The following SORCS3 variants were observed in gnomAD, a reference collection of about 807,000 sequenced individuals.
SORCS3 encodes the protein VPS10 domain-containing receptor SorCS3.
In SORCS3, 57 loss-of-function variants were observed where a neutral mutation model predicts 146.3. The ratio of observed to expected loss-of-function variants is 0.39; its 90% CI spans 0.31 to 0.49. SORCS3 has a LOEUF of 0.49. Ranked by LOEUF, SORCS3 falls within the 20% of genes least tolerant of loss-of-function variation. SORCS3 has a pLI of 0.92. For missense variants in SORCS3, 1,341 were observed against 1,575.5 expected (o/e 0.85, Z 2.52); for synonymous variants, 653 against 618.5 (o/e 1.06, Z -0.83).
At chr10:104,955,037 C>T (rs2019472371) in intron 3 of SORCS3, among the ~76,000 whole-genome samples, 1 of 152,136 alleles carries the variant, frequency 6.6e-6, no homozygotes, top group African/African-American at 2.4e-5. Context: ...TAACTATTAA[C>T]TAAAATTAAC....
At chr10:104,850,848 T>G (rs957303610) in intron 2 of SORCS3, among the ~76,000 whole-genome samples, 1 of 152,224 alleles carries the variant, frequency 6.6e-6, no homozygotes, top group African/African-American at 2.4e-5. Context: ...AAAAGATACC[T>G]TTCCTGAGCT....
chr10:104,893,067 CCT>C (rs2018764721), intron 2 of SORCS3, among the ~76,000 whole-genome samples: 1 of 152,070 alleles, frequency 6.6e-6, no homozygotes, highest in Non-Finnish European at 1.5e-5. Flanking sequence ...TGTCATGGTC[CCT>C]GTTTGTTTCC....
chr10:105,195,494 A>G (rs1360434716), intron 14 of SORCS3, among the ~76,000 whole-genome samples: 2 of 152,204 alleles, frequency 1.3e-5, no homozygotes, highest in African/African-American at 4.8e-5. Flanking sequence ...GGTATTCATG[A>G]AAAGAGAAGA....
intron 3 of SORCS3, among the ~76,000 whole-genome samples, chr10:104,945,541 G>A (rs1334276623): frequency 2.0e-5 from 3 of 149,774 alleles, no homozygotes; most frequent in African/African-American, 7.4e-5. Flanking sequence ...TTACAGATGT[G>A]AACCACTGTG....
intron 1 of SORCS3, among the ~76,000 whole-genome samples, chr10:104,722,972 A>G (rs745531017): frequency 2.6e-5 from 4 of 151,594 alleles, no homozygotes; most frequent in Admixed American, 6.6e-5. Flanking sequence ...TTGTGTCTCT[A>G]TTTCCTTCAG....
chr10:105,178,029 T>G, intron 13 of SORCS3, 37 bp from the exon 14 acceptor site: 1 of 1,497,364 alleles, frequency 6.7e-7, no homozygotes, highest in Non-Finnish European at 9.3e-7. Flanking sequence ...TGGCTTTATT[T>G]TCAGCTGTCT....
At chr10:105,106,833 C>G (rs535653212) in intron 7 of SORCS3, among the ~76,000 whole-genome samples, 1 of 152,162 alleles carries the variant, frequency 6.6e-6, no homozygotes. Context: ...GGCAGGCCAA[C>G]GGCACTCTCA....
chr10:104,976,981 G>A (rs1057402247), intron 3 of SORCS3, among the ~76,000 whole-genome samples: 1 of 151,828 alleles, frequency 6.6e-6, no homozygotes, highest in African/African-American at 2.4e-5. Flanking sequence ...AATGGGTGCA[G>A]CACACCAGCA....
At chr10:105,013,293 A>G (rs1271715257) in intron 4 of SORCS3, among the ~76,000 whole-genome samples, 1 of 152,178 alleles carries the variant, frequency 6.6e-6, no homozygotes, top group Non-Finnish European at 1.5e-5. Context: ...TATTATTTTT[A>G]ATAGTAAAAC....
At chr10:105,233,642 G>C (rs1043881339) in intron 20 of SORCS3, among the ~76,000 whole-genome samples, 1 of 152,056 alleles carries the variant, frequency 6.6e-6, no homozygotes, top group Non-Finnish European at 1.5e-5. Flanking sequence ...TCCCACTTAT[G>C]AGTGAGAATA....
At chr10:105,096,214 G>T (rs949078154) in intron 6 of SORCS3, among the ~76,000 whole-genome samples, 4 of 151,980 alleles carry the variant, frequency 2.6e-5, no homozygotes, top group African/African-American at 9.7e-5. Context: ...TCCTGGGAAA[G>T]GTCCTGGGCA....
chr10:104,698,112 T>C (rs2016238255), intron 1 of SORCS3, among the ~76,000 whole-genome samples: 1 of 152,204 alleles, frequency 6.6e-6, no homozygotes, highest in Non-Finnish European at 1.5e-5. Context: ...TCATGGACCA[T>C]GTGAGTTCAT....
chr10:104,987,101 C>T lies in SORCS3; in HGVS notation c.954+9608C>T, dbSNP rs7086286. 2.3e-3 allele frequency among the ~76,000 whole-genome samples: 352 copies of T among 151,336 alleles called. 2 individuals are homozygous for T. The highest frequency in any genetic ancestry group is 8.2e-3 in the African/African-American group (338 of 41,272). On this transcript the variant is annotated intron_variant, in intron 4 of 26. Transcript: ENST00000369701. ...TTACATATATAAATATATACAACTG[C>T]GTACATAATATATATTAAGACATAC... is the stretch of plus-strand genomic sequence containing the variant.
intron 25 of SORCS3, among the ~76,000 whole-genome samples, chr10:105,261,410 G>A (rs1466376215): frequency 6.6e-6 from 1 of 152,162 alleles, no homozygotes; most frequent in Non-Finnish European, 1.5e-5. Context: ...GTCTCCAACT[G>A]ATGAACAGCA....
At chr10:104,646,887 G>A (rs2015501962) in intron 1 of SORCS3, among the ~76,000 whole-genome samples, 2 of 152,096 alleles carry the variant, frequency 1.3e-5, no homozygotes, top group African/African-American at 2.4e-5. Flanking sequence ...GGTGTTGTGG[G>A]TAACTGAGAA....
intron 1 of SORCS3, among the ~76,000 whole-genome samples, chr10:104,724,545 C>T (rs1167704120): frequency 6.6e-6 from 1 of 152,118 alleles, no homozygotes; most frequent in African/African-American, 2.4e-5. Context: ...TGGGGAAGTT[C>T]TCCTGGATAA....
intron 7 of SORCS3, among the ~76,000 whole-genome samples, chr10:105,117,543 C>A (rs915871565): frequency 6.6e-6 from 1 of 152,144 alleles, no homozygotes; most frequent in Non-Finnish European, 1.5e-5. Context: ...GCTTACTCAT[C>A]CCTATGTTAG....
intron 3 of SORCS3, among the ~76,000 whole-genome samples, chr10:104,964,391 C>T (rs1253509625): frequency 6.6e-6 from 1 of 152,182 alleles, no homozygotes; most frequent in East Asian, 1.9e-4. Context: ...TCTTTCAGCA[C>T]CTCCCCTTAC....
At chr10:104,765,684 A>T (rs529789414) in intron 1 of SORCS3, among the ~76,000 whole-genome samples, 6 of 152,184 alleles carry the variant, frequency 3.9e-5, no homozygotes, top group Non-Finnish European at 7.3e-5. Flanking sequence ...GAGAAATAAC[A>T]ATTATTTTTA....
Sources: allele counts gnomAD v4.1 joint callset (sites outside exome capture counted in the v4.1 genomes callset), GRCh38; gene constraint gnomAD v4.1.1; transcripts MANE v1.5; gene names NCBI Gene and HGNC (gene_info 2026-07-23, HGNC 2026-07-21).